The following ZNF75D variants were observed in gnomAD, a reference collection of about 807,000 sequenced individuals.
ZNF75D encodes the protein zinc finger protein 75D, also known as zinc finger protein 75.
A neutral mutation model predicts 33.3 loss-of-function variants in ZNF75D; 33 were observed. That is an observed-to-expected ratio of 0.99 (90% CI 0.75 to 1.32). The LOEUF (loss-of-function observed/expected upper bound fraction) is 1.32. ZNF75D is among the 40% of genes most tolerant of loss of function. ZNF75D has a pLI of 0.00. For missense variants in ZNF75D, 338 were observed against 367.5 expected (o/e 0.92, Z 0.66); for synonymous variants, 113 against 130.6 (o/e 0.87, Z 0.92).
At chrX:135,320,778 C>T (rs782384883) in intron 1 of ZNF75D, among the ~76,000 whole-genome samples, 18 of 111,469 alleles carry the variant, frequency 1.6e-4, no homozygotes, top group South Asian at 7.4e-4. Context: ...CCATTTGTTA[C>T]GATGTACAAT....
chrX:135,300,764 T>C (rs1357975298), intron 1 of ZNF75D, among the ~76,000 whole-genome samples: 1 of 89,348 alleles, frequency 1.1e-5, no homozygotes, highest in Non-Finnish European at 2.3e-5. Context: ...AAAAAAAAAA[T>C]CACACAATTT....
At chrX:135,326,021 G>A (rs782201320) in intron 1 of ZNF75D, among the ~76,000 whole-genome samples, 4 of 109,575 alleles carry the variant, frequency 3.7e-5, no homozygotes, top group East Asian at 5.8e-4. Flanking sequence ...TGCACCAATC[G>A]ACACTCTGTA....
intron 4 of ZNF75D, 59 bp from the exon 5 acceptor site, chrX:135,291,622 T>C: frequency 9.4e-6 from 11 of 1,175,065 alleles, no homozygotes; most frequent in Non-Finnish European, 1.3e-5. Context: ...CATCCCAAGC[T>C]GATTTCTAAA....
In ZNF75D at chrX:135,286,083, T is replaced by A. The variant is rs1488181798; in HGVS notation, c.*1054A>T. 1 of 112,301 alleles carries A rather than the reference T, an allele frequency of 8.9e-6. No homozygotes were observed. Among genetic ancestry groups the A allele is most frequent in the South Asian group, 3.7e-4 (1 of 2,711 alleles). The allele number at this position is 112,301 out of a possible 1,213,427, so 9.3% of individuals were successfully genotyped here. ...TGACTGGCATCATCACTGTGAGCCA[T>A]ATGCCTTACTTTTCTCTGACACTTC... On this transcript the variant is annotated 3_prime_UTR_variant, in exon 7 of 7. Coordinates refer to ENST00000370766, the MANE Select transcript of ZNF75D (RefSeq NM_007131.5).
At chrX:135,298,300 AAAAAGAG>A (rs1183247879) in intron 1 of ZNF75D, 4 of 112,413 alleles carry the variant, frequency 3.6e-5, no homozygotes, top group African/African-American at 9.7e-5. Context: ...AGTTGTTCAA[AAAAAGAG>A]GAGAGACTGA....
At chrX:135,302,788 G>A (rs1569491459) in intron 1 of ZNF75D, among the ~76,000 whole-genome samples, 3 of 111,119 alleles carry the variant, frequency 2.7e-5, no homozygotes, top group Non-Finnish European at 3.8e-5. Context: ...TTGTTAGGTG[G>A]AACAAGAGAC....
chrX:135,289,671 C>G (rs1451953120), intron 6 of ZNF75D, among the ~76,000 whole-genome samples: 1 of 95,830 alleles, frequency 1.0e-5, no homozygotes, highest in Non-Finnish European at 2.2e-5. Flanking sequence ...CACACACACA[C>G]AGAAATTCAC....
intron 1 of ZNF75D, among the ~76,000 whole-genome samples, chrX:135,306,028 A>G (rs781923507): frequency 1.3e-4 from 14 of 111,463 alleles, no homozygotes; most frequent in African/African-American, 4.6e-4. Context: ...ACAAAGGCCA[A>G]TTCCACCCTG....
In ZNF75D at chrX:135,318,089, T is replaced by TATATATA. The variant is rs67277814; in HGVS notation, c.-390-22051_-390-22050insTATATAT. 1.3e-4 allele frequency among the ~76,000 whole-genome samples: 11 copies of TATATATA among 83,386 alleles called. 1 individual carries two copies. Among genetic ancestry groups the TATATATA allele is most frequent in the East Asian group, 9.3e-4 (2 of 2,146 alleles). 72.4% of individuals were successfully genotyped at this position (83,386 alleles called of 115,157 possible). On this transcript the variant is annotated intron_variant, in intron 1 of 6. Coordinates refer to ENST00000370766, the MANE Select transcript of ZNF75D (RefSeq NM_007131.5). ...TGGCTTGATATATATATATATATAT[T>TATATATA]TTTTTTTTTTTTTTGCGTATTGACA...
At chrX:135,295,101 C>A (rs1460407901) in intron 2 of ZNF75D, among the ~76,000 whole-genome samples, 2 of 111,516 alleles carry the variant, frequency 1.8e-5, no homozygotes, top group Non-Finnish European at 3.8e-5. Flanking sequence ...GTAATGGTAA[C>A]CTTTCTCCTG....
At chrX:135,259,777 C>G (rs782272090) in intron 1 of ZNF75D, among the ~76,000 whole-genome samples, 24 of 111,780 alleles carry the variant, frequency 2.1e-4, no homozygotes, top group Middle Eastern at 4.6e-3. Flanking sequence ...TAATTGAATA[C>G]CCTTTATTTC....
chrX:135,300,614 G>C (rs976606240), intron 1 of ZNF75D, among the ~76,000 whole-genome samples: 1 of 110,709 alleles, frequency 9.0e-6, no homozygotes, highest in Admixed American at 9.6e-5. Context: ...GGGTGTGGTG[G>C]CACATGCCTG....
chrX:135,328,126 T>C (rs1556438722), intron 1 of ZNF75D, among the ~76,000 whole-genome samples: 1 of 111,773 alleles, frequency 8.9e-6, no homozygotes, highest in Non-Finnish European at 1.9e-5. Flanking sequence ...TATAGTGCTG[T>C]TTCCCTGAGG....
intron 3 of ZNF75D, among the ~76,000 whole-genome samples, chrX:135,250,455 C>T (rs1387537378): frequency 9.3e-6 from 1 of 106,978 alleles, no homozygotes; most frequent in Admixed American, 9.8e-5. Flanking sequence ...AAAATTTTCA[C>T]AAACGGTGAG....
Position 135,294,170 on chromosome X carries a change from G to C in ZNF75D, c.-30C>G. 1 of 1,137,161 alleles carries C rather than the reference G, an allele frequency of 8.8e-7. No individual in the cohort carries two copies. Among genetic ancestry groups the C allele is most frequent in the African/African-American group, 1.8e-5 (1 of 55,411 alleles). The allele number at this position is 1,137,161 out of a possible 1,213,427, so 93.7% of individuals were successfully genotyped here. A position where few individuals can be genotyped will look rare whatever the true frequency, so the allele number is the denominator to read the frequency against. The stretch of plus-strand genomic sequence containing the variant: ...TCTAGGAACAGTTTTACTCTTGTAT[G>C]TGACACTGACACCCACCTGGTACCA... On this transcript the variant is annotated 5_prime_UTR_variant, in exon 3 of 7. Coordinates refer to ENST00000370766, the MANE Select transcript of ZNF75D (RefSeq NM_007131.5).
chrX:135,294,365 C>A, intron 2 of ZNF75D, 107 bp from the exon 3 acceptor site: 1 of 314,949 alleles, frequency 3.2e-6, no homozygotes, highest in Non-Finnish European at 5.5e-6. Context: ...TCCTGTCTGG[C>A]TTCTTCTTTA....
chrX:135,317,051 G>A (rs782353776), intron 1 of ZNF75D, among the ~76,000 whole-genome samples: 7 of 110,560 alleles, frequency 6.3e-5, no homozygotes, highest in Admixed American at 1.9e-4. Flanking sequence ...TGTTTCCTGC[G>A]TCCTTACATT....
At chrX:135,302,675 G>C (rs970781107) in intron 1 of ZNF75D, among the ~76,000 whole-genome samples, 3 of 111,940 alleles carry the variant, frequency 2.7e-5, no homozygotes, top group East Asian at 2.8e-4. Flanking sequence ...AATCACAAAA[G>C]GGAAGGAGTA....
At chrX:135,291,285 A>C in intron 5 of ZNF75D, 150 bp from the exon 6 acceptor site, 1 of 825,328 alleles carries the variant, frequency 1.2e-6, no homozygotes, top group South Asian at 2.5e-5. Context: ...AGGAAGGAGC[A>C]AAGAGGATCA....
Sources: gnomAD v4.1 joint callset for allele counts (sites outside exome capture counted in the v4.1 genomes callset) on GRCh38, gnomAD v4.1.1 for gene constraint, MANE v1.5 for transcripts, NCBI Gene and HGNC (gene_info 2026-07-23, HGNC 2026-07-21) for gene names.